The following GABBR1 variants were observed in gnomAD, a reference collection of about 807,000 sequenced individuals.
GABBR1 encodes the protein gamma-aminobutyric acid type B receptor subunit 1, also known as GABA-B receptor, R1 subunit.
GABBR1 carries 35 observed loss-of-function variants against 117.7 expected under a neutral mutation model. The ratio of observed to expected loss-of-function variants is 0.30; its 90% CI spans 0.23 to 0.39. The LOEUF is 0.39. Ranked by LOEUF, GABBR1 falls within the 10% of genes least tolerant of loss-of-function variation. The pLI is 1.00. For synonymous variants in GABBR1, 442 were observed against 486.6 expected (o/e 0.91, Z 1.21); for missense variants, 709 against 1,241.8 (o/e 0.57, Z 6.45).
chr6:29,631,360 G>A lies in GABBR1; in HGVS notation c.289+36C>T. ...TAAGTTTGCGGCAGGAAAAGGAATAGTCTTGAAGAGGGGAGGGGCTTCCGA... is the reference window on the plus strand; with the variant it reads ...TAAGTTTGCGGCAGGAAAAGGAATAATCTTGAAGAGGGGAGGGGCTTCCGA... On this transcript the variant is annotated intron_variant, in intron 3 of 22. Transcript: ENST00000377034. This position sits in a 1 kb window ranked among gnomAD's most constrained non-coding sequence, Gnocchi z 5.9. 4 of 1,597,544 alleles carry A rather than the reference G, an allele frequency of 2.5e-6. No homozygotes were observed. The highest frequency in any genetic ancestry group is 3.4e-6 in the Non-Finnish European group (4 of 1,165,810).
chr6:29,628,197 G>A (rs1562123314), intron 5 of GABBR1: 3 of 888,160 alleles, frequency 3.4e-6, no homozygotes, highest in African/African-American at 1.9e-5. Flanking sequence ...GGGGAGGGGA[G>A]GGGGGATGCA....
In GABBR1 at chr6:29,606,886, T is replaced by C; in HGVS notation, c.2217+11A>G. ...ATTCTCCTGACCATAGCACCTCCTC[T>C]CCAGTGGTACCTCAATGGTCCGGTG... On this transcript the variant is annotated intron_variant, in intron 18 of 22. Transcript: ENST00000377034. The surrounding 1 kb of genome is among the most constrained non-coding windows in gnomAD (Gnocchi z 4.5). The C allele has an allele frequency of 6.2e-7, 1 of 1,610,530 alleles. No individual in the cohort carries two copies. The highest frequency in any genetic ancestry group is 8.5e-7 in the Non-Finnish European group (1 of 1,176,756).
At position 29,604,565 on chromosome 6, in the gene GABBR1, T is replaced by C. The variant is rs752009835; in HGVS notation, c.2641A>G (p.Asn881Asp). The C allele has an allele frequency of 1.2e-6, 2 of 1,613,344 alleles. No homozygotes were observed. Among genetic ancestry groups the C allele is most frequent in the Non-Finnish European group, 1.7e-6 (2 of 1,180,038 alleles). ...QDTMKTGSST[N>D]NNEEEKSRLL... is the part of the protein sequence containing the mutation. ...CGGGACTTCTCCTCCTCGTTGTTGT[T>C]GGTCGATGACCCTGTCTTCATGGTG... Residue 881 changes from asparagine to aspartate, a missense_variant, in exon 22 of 23, where the codon AAC becomes GAC. By Grantham distance (23) the Asn-to-Asp change is conservative. This residue lies in a region of GABBR1 where 251 missense variants were observed against 445.3 expected (regional missense o/e 0.56). Coordinates refer to ENST00000377034, the MANE Select transcript of GABBR1 (RefSeq NM_001470.4). The surrounding 1 kb of genome is among the most constrained non-coding windows in gnomAD (Gnocchi z 5.3).
At position 29,605,113 on chromosome 6, in the gene GABBR1, C is replaced by T. The variant is rs963599899; in HGVS notation, c.2440-125G>A. On this transcript the variant is annotated intron_variant, in intron 20 of 22. Coordinates refer to ENST00000377034, the MANE Select transcript of GABBR1 (RefSeq NM_001470.4). This position sits in a 1 kb window ranked among gnomAD's most constrained non-coding sequence, Gnocchi z 4.2. The stretch of plus-strand genomic sequence containing the variant: ...GGTGAACTTTCCCTTTGAAAAGGAT[C>T]CAAATTCAGGATCATCCTCAAATAT... 2.0e-6 allele frequency: 2 copies of T among 1,012,386 alleles called. No individual in the cohort carries two copies. The highest frequency in any genetic ancestry group is 6.2e-5 in the Admixed American group (2 of 32,358). 62.7% of individuals were successfully genotyped at this position (1,012,386 alleles called of 1,614,324 possible). A position where few individuals can be genotyped will look rare whatever the true frequency, so the allele number is the denominator to read the frequency against.
chr6:29,624,099 C>G (rs1444102088), intron 6 of GABBR1, 75 bp from the exon 7 acceptor site: 13 of 1,390,346 alleles, frequency 9.4e-6, no homozygotes, highest in Non-Finnish European at 1.3e-5. Flanking sequence ...TCTTATCTTT[C>G]TCGAACAAAT....
chr6:29,623,240 G>C lies in GABBR1; in HGVS notation c.963+65C>G. 1 of 1,462,894 alleles carries C rather than the reference G, an allele frequency of 6.8e-7. No homozygotes were observed. Among genetic ancestry groups the C allele is most frequent in the Non-Finnish European group, 9.4e-7 (1 of 1,065,884 alleles). 90.6% of individuals were successfully genotyped at this position (1,462,894 alleles called of 1,614,324 possible). ...TCTTGCCCCTAAAAGTGACTCTCACGTCACATCTCCTGGTGCTGGAATTTG... is the reference window on the plus strand; with the variant it reads ...TCTTGCCCCTAAAAGTGACTCTCACCTCACATCTCCTGGTGCTGGAATTTG... On this transcript the variant is annotated intron_variant, in intron 8 of 22. Transcript: ENST00000377034. This position sits in a 1 kb window ranked among gnomAD's most constrained non-coding sequence, Gnocchi z 6.2.
chr6:29,625,329 C>G (rs1764161559), intron 6 of GABBR1, among the ~76,000 whole-genome samples: 1 of 152,174 alleles, frequency 6.6e-6, no homozygotes, highest in Non-Finnish European at 1.5e-5. Flanking sequence ...TCCCACAGCC[C>G]CTCAGTGCCC....
intron 6 of GABBR1, among the ~76,000 whole-genome samples, chr6:29,626,128 G>C (rs1764244626): frequency 6.6e-6 from 1 of 152,148 alleles, no homozygotes; most frequent in African/African-American, 2.4e-5. Context: ...ACTGAAGGCT[G>C]AGAACCACGA....
At position 29,627,666 on chromosome 6, in the gene GABBR1, G is replaced by C. The variant is rs754727781; in HGVS notation, c.497-20C>G. On this transcript the variant is annotated intron_variant, in intron 5 of 22. Coordinates refer to ENST00000377034, the MANE Select transcript of GABBR1 (RefSeq NM_001470.4). This position sits in a 1 kb window ranked among gnomAD's most constrained non-coding sequence, Gnocchi z 4.4. ...GCCGTTCTGAGGAGGGGTGCGGGGG[G>C]ACCCGCGAGTGAGGCCGCGGGAGAT... 1 of 1,539,328 alleles carries C rather than the reference G, an allele frequency of 6.5e-7. No homozygotes were observed. Among genetic ancestry groups the C allele is most frequent in the Non-Finnish European group, 8.7e-7 (1 of 1,147,582 alleles).
chr6:29,608,385 C>G (rs964271216), intron 16 of GABBR1: 40 of 521,498 alleles, frequency 7.7e-5, no homozygotes, highest in African/African-American at 6.5e-4. Context: ...AACCTTGGAA[C>G]TGACAAGTAA....
chr6:29,626,418 G>C (rs1764275104), intron 6 of GABBR1, among the ~76,000 whole-genome samples: 1 of 152,062 alleles, frequency 6.6e-6, no homozygotes, highest in Admixed American at 6.5e-5. Flanking sequence ...CCACATGTCA[G>C]TGAAGATAAA....
Position 29,607,032 on chromosome 6 carries a change from AC to A in GABBR1, c.2110-29del, listed in dbSNP as rs757485574. On this transcript the variant is annotated intron_variant, in intron 17 of 22. Coordinates refer to ENST00000377034, the MANE Select transcript of GABBR1 (RefSeq NM_001470.4). The surrounding 1 kb of genome is among the most constrained non-coding windows in gnomAD (Gnocchi z 5.0). The stretch of plus-strand genomic sequence containing the variant: ...GGATAAATATGTGGGGAGAACAGGC[AC>A]GTCAGGGGAAAATGCTCTGTGCCCC... The A allele has an allele frequency of 5.0e-6, 8 of 1,611,686 alleles. No homozygotes were observed. In the South Asian group the frequency reaches 7.7e-5, roughly 15 times the overall value.
chr6:29,612,531 C>T lies in GABBR1; in HGVS notation c.1630+20G>A. The T allele has an allele frequency of 5.0e-6, 8 of 1,612,404 alleles. No individual in the cohort carries two copies. Among genetic ancestry groups the T allele is most frequent in the Non-Finnish European group, 5.9e-6 (7 of 1,178,790 alleles). On this transcript the variant is annotated intron_variant, in intron 13 of 22. Transcript: ENST00000377034. ...CCAGCCTAGCCCCCATGTCCGGTCC[C>T]CTCCTGCCCCTGTACTAACCCTGAA...
In GABBR1 at chr6:29,621,769, G is replaced by C. The variant is rs1379880994; in HGVS notation, c.1114C>G (p.Arg372Gly). 6.2e-7 allele frequency: 1 copy of C among 1,613,880 alleles called. No homozygotes were observed. The highest frequency in any genetic ancestry group is 8.5e-7 in the Non-Finnish European group (1 of 1,180,010). ...AACTCCACCTCACAAAAAACTTTCC[G>C]GGCTTCAGTCTCATAGAAAAGTCCC... ...IVGLFYETEA[R>G]KVFCEVYKER... The change falls in exon 10 of 23, where the codon CGG (arginine) becomes GGG (glycine). Residue 372 changes from arginine (R) to glycine (G), a missense_variant. Transcript: ENST00000377034. This position sits in a 1 kb window ranked among gnomAD's most constrained non-coding sequence, Gnocchi z 5.0.
rs756005728 is a variant in GABBR1, at chr6:29,605,609, T to A, written c.2399A>T (p.Asn800Ile). 1 of 1,613,016 alleles carries A rather than the reference T, an allele frequency of 6.2e-7. No individual in the cohort carries two copies. Residue 800 changes from asparagine to isoleucine, a missense_variant, in exon 20 of 23, where the codon AAT becomes ATT. Asn to Ile is a moderately radical substitution (Grantham distance 149). Transcript: ENST00000377034. The surrounding 1 kb of genome is among the most constrained non-coding windows in gnomAD (Gnocchi z 4.2). ...ETKSVSTEKI[N>I]DHRAVGMAIY... ...AGCCATGCCCACAGCCCGGTGATCA[T>A]TGATCTTCTCAGTGGACACACTCTT...
At position 29,614,634 on chromosome 6, in the gene GABBR1, C is replaced by A. The variant is rs187532319; in HGVS notation, c.1324-1149G>T. Among the ~76,000 whole-genome samples the A allele has an allele frequency of 3.7e-4, 57 of 152,294 alleles. No individual in the cohort carries two copies. The South Asian group carries it at 7.0e-3, about 19-fold the overall frequency. On this transcript the variant is annotated intron_variant, in intron 11 of 22. Transcript: ENST00000377034. ...TCTACCCTTGAGGACAAGACCAAAT[C>A]CCATGCCCTCTCTTAATCATCAGCA...
chr6:29,605,043 CAG>C lies in GABBR1; in HGVS notation c.2440-57_2440-56del, dbSNP rs1761809075. On this transcript the variant is annotated intron_variant, in intron 20 of 22. Coordinates refer to ENST00000377034, the MANE Select transcript of GABBR1 (RefSeq NM_001470.4). This position sits in a 1 kb window ranked among gnomAD's most constrained non-coding sequence, Gnocchi z 4.2. ...CAGGTCTGCAGGCTCAGACAAGATC[CAG>C]AGTTTACTTCCCATGGGAGGGAGTC... 6.5e-7 allele frequency: 1 copy of C among 1,539,258 alleles called. No homozygotes were observed. Among genetic ancestry groups the C allele is most frequent in the African/African-American group, 1.4e-5 (1 of 72,726 alleles).
Position 29,623,180 on chromosome 6 carries a change from C to T in GABBR1, c.963+125G>A, listed in dbSNP as rs1219006089. ...TACAGAAAGAACTGCACTTAATCCA[C>T]ATGGAATGCGTTCTCTTTCAATGAA... On this transcript the variant is annotated intron_variant, in intron 8 of 22. Transcript: ENST00000377034. This position sits in a 1 kb window ranked among gnomAD's most constrained non-coding sequence, Gnocchi z 6.2. 1.2e-6 allele frequency: 1 copy of T among 831,864 alleles called. No individual in the cohort carries two copies. The highest frequency in any genetic ancestry group is 1.9e-6 in the Non-Finnish European group (1 of 531,078). The allele number at this position is 831,864 out of a possible 1,614,324, so 51.5% of individuals were successfully genotyped here.
intron 4 of GABBR1, among the ~76,000 whole-genome samples, chr6:29,629,407 C>G (rs1244064129): frequency 6.6e-6 from 1 of 152,052 alleles, no homozygotes; most frequent in Non-Finnish European, 1.5e-5. Context: ...AATTGGGAGT[C>G]TTTAAGAAAA....
Sources: gnomAD v4.1 joint callset for allele counts (sites outside exome capture counted in the v4.1 genomes callset) on GRCh38, gnomAD v4.1.1 for gene constraint, gnomAD v4.1.1 regional missense constraint, Gnocchi (gnomAD v3.1) non-coding constraint, MANE v1.5 for transcripts, NCBI Gene and HGNC (gene_info 2026-07-23, HGNC 2026-07-21) for gene names.